Variants in FGF13 observed in about 807,000 individuals in gnomAD.
FGF13 encodes fibroblast growth factor homologous factor 2.
In FGF13, 2 loss-of-function variants were observed where a neutral mutation model predicts 19.5. The observed-to-expected ratio is 0.10, with a 90% CI of 0.04 to 0.32. The LOEUF (loss-of-function observed/expected upper bound fraction) is 0.32. FGF13 is among the 10% of genes least tolerant of loss of function. The probability of loss-of-function intolerance (pLI) is 1.00; values close to 1 mark genes in which losing one functional copy is unlikely to be tolerated. For synonymous variants in FGF13, 72 were observed against 76.9 expected, an observed-to-expected ratio of 0.94 and a Z score of 0.33; for missense variants, 113 against 192.7, an observed-to-expected ratio of 0.59 and a Z score of 2.45.
intron 3 of FGF13, among the ~76,000 whole-genome samples, chrX:138,693,202 C>T (rs1488432904): frequency 1.8e-5 from 2 of 111,749 alleles, no homozygotes; most frequent in African/African-American, 3.2e-5. Context: ...GAATAATAAA[C>T]GTGAAATAAT....
chrX:139,066,553 C>A (rs2092357214), intron 1 of FGF13, among the ~76,000 whole-genome samples: 1 of 111,651 alleles, frequency 9.0e-6, no homozygotes, highest in South Asian at 3.7e-4. Context: ...ACTAGAAAAT[C>A]TAGAAGAAAT....
intron 3 of FGF13, among the ~76,000 whole-genome samples, chrX:138,840,045 T>A (rs1210224942): frequency 2.7e-5 from 3 of 111,784 alleles, no homozygotes; most frequent in Non-Finnish European, 3.8e-5. Flanking sequence ...CTGCTCTTAA[T>A]CCAATGTCAG....
At chrX:139,136,837 G>A (rs952312436) in intron 1 of FGF13, among the ~76,000 whole-genome samples, 1 of 111,803 alleles carries the variant, frequency 8.9e-6, no homozygotes, top group Admixed American at 9.5e-5. Context: ...AGGAAAGCAG[G>A]TGTTTGGTAA....
chrX:138,738,010 T>C (rs929566741), intron 1 of FGF13, among the ~76,000 whole-genome samples: 2 of 112,401 alleles, frequency 1.8e-5, no homozygotes, highest in African/African-American at 6.5e-5. Flanking sequence ...TTTTTTTCTC[T>C]CTCAATTTTA....
At chrX:138,800,346 TG>T (rs1474855603) in intron 3 of FGF13, among the ~76,000 whole-genome samples, 1 of 111,296 alleles carries the variant, frequency 9.0e-6, no homozygotes, top group African/African-American at 3.3e-5. Flanking sequence ...CTAGATTGGG[TG>T]GATATGAAAG....
intron 3 of FGF13, among the ~76,000 whole-genome samples, chrX:138,748,739 A>T (rs2090374774): frequency 8.9e-6 from 1 of 111,878 alleles, no homozygotes; most frequent in South Asian, 3.8e-4. Flanking sequence ...AAAAGTAACC[A>T]GGAGTGTTTT....
At chrX:139,022,183 G>A (rs926450763) in intron 1 of FGF13, among the ~76,000 whole-genome samples, 25 of 111,281 alleles carry the variant, frequency 2.2e-4, no homozygotes, top group African/African-American at 8.1e-4. Flanking sequence ...ACTAGTCTTT[G>A]TAGGAAAAGA....
chrX:138,738,704 T>C lies in FGF13; in HGVS notation c.28+538A>G, dbSNP rs985490670. ...CTATCTTCTGTGATTTCCCTGAAGA[T>C]ACACCTAATAAGTTTGTCAAAATTA... On this transcript the variant is annotated intron_variant, in intron 1 of 4. Transcript: ENST00000305414. Among the ~76,000 whole-genome samples the C allele has an allele frequency of 2.1e-4, 23 of 112,175 alleles. No homozygotes were observed. The Admixed American group carries it at 2.1e-3, about 10-fold the overall frequency.
At chrX:139,181,987 C>G (rs967600410) in intron 1 of FGF13, among the ~76,000 whole-genome samples, 7 of 110,645 alleles carry the variant, frequency 6.3e-5, no homozygotes, top group Non-Finnish European at 1.3e-4. Flanking sequence ...ACAACCCAGA[C>G]TTTATGCAGA....
intron 3 of FGF13, among the ~76,000 whole-genome samples, chrX:138,822,641 C>G (rs1293190212): frequency 1.8e-5 from 2 of 112,020 alleles, no homozygotes; most frequent in Non-Finnish European, 3.8e-5. Flanking sequence ...GAAAGAAGGG[C>G]AACAGATACA....
chrX:138,925,145 A>G (rs1395691754), intron 1 of FGF13, among the ~76,000 whole-genome samples: 2 of 112,032 alleles, frequency 1.8e-5, no homozygotes, highest in East Asian at 5.6e-4. Context: ...AGTATGCTTC[A>G]TATACATTGC....
At chrX:138,985,556 T>G (rs2091991631) in intron 1 of FGF13, among the ~76,000 whole-genome samples, 1 of 111,861 alleles carries the variant, frequency 8.9e-6, no homozygotes, top group African/African-American at 3.3e-5. Flanking sequence ...ATGAGATATA[T>G]CAGTAGTCCA....
intron 3 of FGF13, among the ~76,000 whole-genome samples, chrX:138,661,929 C>T (rs1370512294): frequency 9.0e-6 from 1 of 111,628 alleles, no homozygotes; most frequent in Non-Finnish European, 1.9e-5. Context: ...GGGTTCTAAC[C>T]TTCTTTACCA....
chrX:138,673,199 G>C (rs1173758627), intron 3 of FGF13, among the ~76,000 whole-genome samples: 1 of 111,372 alleles, frequency 9.0e-6, no homozygotes, highest in Non-Finnish European at 1.9e-5. Context: ...GCTGGTAAGG[G>C]ATATGCAATA....
chrX:138,999,049 C>A (rs1453195631), intron 1 of FGF13, among the ~76,000 whole-genome samples: 7 of 111,985 alleles, frequency 6.3e-5, no homozygotes. Flanking sequence ...AACTGCACAA[C>A]TACATGGAAA....
chrX:138,654,387 G>C (rs2284161), intron 3 of FGF13, among the ~76,000 whole-genome samples: 2,280 of 111,898 alleles, frequency 0.02, 30 homozygotes, highest in East Asian at 0.069. Context: ...CAATCAATTA[G>C]TGTCTATAGT....
At chrX:139,189,830 T>C (rs1299825695) in intron 1 of FGF13, among the ~76,000 whole-genome samples, 1 of 112,040 alleles carries the variant, frequency 8.9e-6, no homozygotes, top group African/African-American at 3.2e-5. Flanking sequence ...GTTAAGATGG[T>C]AAATTTTATG....
intron 1 of FGF13, 37 bp downstream of exon 1, chrX:138,710,780 A>G: frequency 8.3e-7 from 1 of 1,204,890 alleles, no homozygotes; most frequent in Non-Finnish European, 1.1e-6. Context: ...CCTCACTCGT[A>G]AAGTATGGGG....
chrX:138,777,208 G>A (rs1262013025), intron 3 of FGF13, among the ~76,000 whole-genome samples: 1 of 111,346 alleles, frequency 9.0e-6, no homozygotes, highest in African/African-American at 3.3e-5. Context: ...ATGATTGGGA[G>A]CCCTACTAAT....
Sources: allele counts gnomAD v4.1 joint callset (sites outside exome capture counted in the v4.1 genomes callset), GRCh38; gene constraint gnomAD v4.1.1; transcripts MANE v1.5; gene names NCBI Gene and HGNC (gene_info 2026-07-23, HGNC 2026-07-21).